The following SYTL3 variants were observed in gnomAD, a reference collection of about 807,000 sequenced individuals.
SYTL3 encodes the protein synaptotagmin-like protein 3.
SYTL3 carries 88 observed loss-of-function variants against 82.1 expected under a neutral mutation model. The observed-to-expected ratio is 1.07, with a 90% CI of 0.90 to 1.28. The LOEUF (loss-of-function observed/expected upper bound fraction) is 1.28. Ranked by LOEUF, SYTL3 falls within the 50% of genes most tolerant of loss-of-function variation. SYTL3 has a pLI of 0.00. For missense variants in SYTL3, 831 were observed against 757.6 expected (o/e 1.10, Z -1.14); for synonymous variants, 311 against 289.4 (o/e 1.07, Z -0.76).
chr6:158,736,766 C>T (rs759339612), intron 11 of SYTL3, among the ~76,000 whole-genome samples: 8 of 139,692 alleles, frequency 5.7e-5, no homozygotes, highest in Non-Finnish European at 1.1e-4. Flanking sequence ...CCAGCCTGGG[C>T]GACAAGAGCG....
chr6:158,757,583 C>G lies in SYTL3; in HGVS notation c.1308+202C>G, dbSNP rs118178123. Among the ~76,000 whole-genome samples, 2,071 of 143,316 alleles carry G rather than the reference C, an allele frequency of 0.014. 72 individuals carry two copies. In the East Asian group the frequency reaches 0.15, roughly 10 times the overall value. 94.0% of individuals were successfully genotyped at this position (143,316 alleles called of 152,430 possible). ...AGGGTTTGTTTTAACTGGCTCAGCT[C>G]TGTTCAGGTACCCGAACAGCCCCCG... On this transcript the variant is annotated intron_variant, in intron 14 of 17. Coordinates refer to ENST00000611299, the MANE Select transcript of SYTL3 (RefSeq NM_001242394.2).
chr6:158,762,770 A>T (rs979807272), intron 16 of SYTL3, among the ~76,000 whole-genome samples: 8 of 152,228 alleles, frequency 5.3e-5, no homozygotes, highest in Admixed American at 2.0e-4. Context: ...TACAAAAATT[A>T]GCTGGGTGTG....
At chr6:158,676,255 T>G (rs1778020614) in intron 5 of SYTL3, among the ~76,000 whole-genome samples, 1 of 152,108 alleles carries the variant, frequency 6.6e-6, no homozygotes, top group South Asian at 2.1e-4. Flanking sequence ...ATGTTGCATA[T>G]CTACAACTAT....
chr6:158,686,927 A>G (rs1028543625), intron 6 of SYTL3, among the ~76,000 whole-genome samples: 2 of 152,218 alleles, frequency 1.3e-5, no homozygotes, highest in South Asian at 2.1e-4. Context: ...TAGGGAGGCA[A>G]CTGCAACCTC....
intron 5 of SYTL3, 38 bp from the exon 6 acceptor site, chr6:158,682,887 T>C (rs1043783390): frequency 5.2e-6 from 8 of 1,534,304 alleles, no homozygotes; most frequent in Non-Finnish European, 7.2e-6. Context: ...TATTCATATC[T>C]TCTCTCTCTG....
intron 5 of SYTL3, among the ~76,000 whole-genome samples, chr6:158,670,354 A>G (rs1777225736): frequency 6.6e-6 from 1 of 152,262 alleles, no homozygotes; most frequent in South Asian, 2.1e-4. Context: ...TTGAAAAGAA[A>G]TTGAATGCCA....
At chr6:158,678,207 C>CT (rs1186911165) in intron 5 of SYTL3, among the ~76,000 whole-genome samples, 1 of 152,180 alleles carries the variant, frequency 6.6e-6, no homozygotes. Context: ...GTTCATGTGT[C>CT]TAAAGGATCT....
At chr6:158,747,364 A>AT (rs201950910) in intron 12 of SYTL3, among the ~76,000 whole-genome samples, 19 of 151,658 alleles carry the variant, frequency 1.3e-4, no homozygotes, top group South Asian at 8.3e-4. Flanking sequence ...ATTAAAATTA[A>AT]TTTTTTTTTA....
chr6:158,655,593 G>C (rs1274951655), intron 2 of SYTL3, among the ~76,000 whole-genome samples: 3 of 152,236 alleles, frequency 2.0e-5, no homozygotes, highest in Non-Finnish European at 2.9e-5. Flanking sequence ...TCTGGCCCTT[G>C]AAGGGCTAAT....
chr6:158,725,903 T>G, intron 11 of SYTL3: 1 of 690,772 alleles, frequency 1.4e-6, no homozygotes, highest in Admixed American at 2.0e-5. Flanking sequence ...GCTCTGTAGC[T>G]TTCTATAATG....
chr6:158,709,875 A>T (rs1246296041), intron 8 of SYTL3, among the ~76,000 whole-genome samples: 1 of 152,222 alleles, frequency 6.6e-6, no homozygotes, highest in Non-Finnish European at 1.5e-5. Context: ...TATCTACAAA[A>T]AATAAAAAAA....
At chr6:158,685,314 A>G (rs1260751054) in intron 6 of SYTL3, among the ~76,000 whole-genome samples, 1 of 151,294 alleles carries the variant, frequency 6.6e-6, no homozygotes, top group African/African-American at 2.4e-5. Flanking sequence ...CCTGGGTTCA[A>G]GGGATTCTCC....
At chr6:158,645,393 C>T (rs1787371589), upstream of SYTL3, among the ~76,000 whole-genome samples, 2 of 152,130 alleles carry the variant, frequency 1.3e-5, no homozygotes, top group African/African-American at 4.8e-5. Context: ...TTGCACTGGG[C>T]TCTGGTAAAC....
chr6:158,713,973 C>T, intron 9 of SYTL3, 95 bp downstream of exon 9: 1 of 847,078 alleles, frequency 1.2e-6, no homozygotes, highest in Non-Finnish European at 2.0e-6. Flanking sequence ...TTGACACTGT[C>T]CCTCAGGCCA....
At position 158,764,578 on chromosome 6, in the gene SYTL3, A is replaced by C; in HGVS notation, c.1807A>C (p.Thr603Pro). 6.2e-7 allele frequency: 1 copy of C among 1,613,974 alleles called. No homozygotes were observed. The highest frequency in any genetic ancestry group is 8.5e-7 in the Non-Finnish European group (1 of 1,179,908). ...AGTCCTTTCCAGCCCCAATCTATGG[A>C]CAGACATGACTCTTGTCCTGCACTG... ...QKVLSSPNLW[T>P]DMTLVLH The change falls in exon 18 of 18, where the codon ACA becomes CCA. Residue 603 changes from threonine to proline, a missense_variant. Transcript: ENST00000611299.
intron 6 of SYTL3, among the ~76,000 whole-genome samples, chr6:158,703,637 T>C (rs1364487532): frequency 6.6e-6 from 1 of 151,964 alleles, no homozygotes; most frequent in Non-Finnish European, 1.5e-5. Context: ...CGGATCTTGC[T>C]CCAATGGGAT....
chr6:158,729,801 T>C (rs1373068941), intron 11 of SYTL3, among the ~76,000 whole-genome samples: 1 of 152,008 alleles, frequency 6.6e-6, no homozygotes, highest in East Asian at 1.9e-4. Context: ...CTCCTGACCT[T>C]GTGATCCGCT....
chr6:158,655,379 A>T (rs1456574958), intron 2 of SYTL3, among the ~76,000 whole-genome samples: 1 of 152,134 alleles, frequency 6.6e-6, no homozygotes, highest in Admixed American at 6.6e-5. Context: ...CAGGTTTCTC[A>T]ATTCAAGCCA....
chr6:158,657,424 T>C (rs1346840034), intron 2 of SYTL3, among the ~76,000 whole-genome samples: 3 of 25,534 alleles, frequency 1.2e-4, no homozygotes, highest in African/African-American at 5.1e-4. Context: ...AGACTCTGGC[T>C]CAAAAAAAAA....
Sources: allele counts gnomAD v4.1 joint callset (sites outside exome capture counted in the v4.1 genomes callset), GRCh38; gene constraint gnomAD v4.1.1; transcripts MANE v1.5; gene names NCBI Gene and HGNC (gene_info 2026-07-23, HGNC 2026-07-21).